MARK3: variants seen among roughly 807,000 people sequenced by gnomAD.
MARK3 encodes the protein MAP/microtubule affinity-regulating kinase 3.
MARK3 carries 46 observed loss-of-function variants against 90.1 expected under a neutral mutation model. The observed-to-expected ratio is 0.51, with a 90% CI of 0.40 to 0.65. The LOEUF (loss-of-function observed/expected upper bound fraction) is 0.65, where lower values mean the gene tolerates loss of function less well. MARK3 is among the 30% of genes least tolerant of loss of function. MARK3 has a pLI of 0.00. For missense variants in MARK3, 818 were observed against 947.2 expected (o/e 0.86, Z 1.79); for synonymous variants, 321 against 332.6 (o/e 0.97, Z 0.38).
chr14:103,468,272 C>T (rs2093553481), intron 12 of MARK3, 86 bp downstream of exon 12: 2 of 989,110 alleles, frequency 2.0e-6, no homozygotes, highest in Non-Finnish European at 1.4e-6. Context: ...TGCTCAGAGC[C>T]TGGCTTGATG....
chr14:103,455,673 A>T (rs2093261464), intron 5 of MARK3, among the ~76,000 whole-genome samples: 1 of 150,404 alleles, frequency 6.6e-6, no homozygotes, highest in South Asian at 2.1e-4. Context: ...GGTTGCAGTG[A>T]GCCAAGATCG....
chr14:103,490,801 G>A, intron 14 of MARK3: 1 of 292,712 alleles, frequency 3.4e-6, no homozygotes, highest in Non-Finnish European at 5.4e-6. Flanking sequence ...AGTTGCTCCA[G>A]AATCTCCAAA....
chr14:103,394,867 C>T (rs1446274469), intron 1 of MARK3, among the ~76,000 whole-genome samples: 1 of 152,178 alleles, frequency 6.6e-6, no homozygotes, highest in African/African-American at 2.4e-5. Flanking sequence ...ACTGCAACCT[C>T]TGCCTCCTGG....
At chr14:103,388,316 A>G (rs1231161451) in intron 1 of MARK3, among the ~76,000 whole-genome samples, 2 of 152,230 alleles carry the variant, frequency 1.3e-5, no homozygotes, top group Middle Eastern at 3.2e-3. Flanking sequence ...ATGCCCTGTT[A>G]CATTTTTAAC....
intron 2 of MARK3, among the ~76,000 whole-genome samples, chr14:103,413,965 G>T (rs938841028): frequency 6.6e-6 from 1 of 152,114 alleles, no homozygotes; most frequent in Non-Finnish European, 1.5e-5. Flanking sequence ...AAGGACATTT[G>T]AATAGTTTCC....
intron 2 of MARK3, among the ~76,000 whole-genome samples, chr14:103,427,077 G>A (rs1191278798): frequency 6.6e-6 from 1 of 150,542 alleles, no homozygotes; most frequent in African/African-American, 2.4e-5. Context: ...TTTTTTCTTG[G>A]TTTGGAGGAG....
intron 2 of MARK3, 37 bp from the exon 3 acceptor site, chr14:103,428,350 A>G: frequency 8.6e-7 from 1 of 1,165,782 alleles, no homozygotes; most frequent in Non-Finnish European, 1.2e-6. Context: ...TAATTACTAA[A>G]TTCTTAAAAT....
Position 103,503,201 on chromosome 14 carries a change from A to G in MARK3, c.2236A>G (p.Lys746Glu), listed in dbSNP as rs983388891. ...CATAGCCTTCAAAAATATTGCTTCC[A>G]AAATTGCCAATGAGCTAAAGCTGTA... ...TSIAFKNIAS[K>E]IANELKL Residue 746 changes from lysine (K) to glutamate (E), a missense_variant, in exon 18 of 18, where the codon AAA becomes GAA. By Grantham distance (56) the Lys-to-Glu change is moderately conservative. Around this residue, in one of 3 missense-constraint regions of MARK3, gnomAD observed 560 missense variants for 613.5 expected, o/e 0.91. Transcript: ENST00000429436. 4 of 1,611,084 alleles carry G rather than the reference A, an allele frequency of 2.5e-6. No individual in the cohort carries two copies. In the African/African-American group the frequency reaches 4.0e-5, roughly 16 times the overall value.
intron 2 of MARK3, among the ~76,000 whole-genome samples, chr14:103,410,219 G>A (rs1010014373): frequency 2.6e-5 from 4 of 152,132 alleles, no homozygotes; most frequent in Admixed American, 6.5e-5. Context: ...CAAGATCCAG[G>A]GGCTGCATCT....
At chr14:103,476,630 T>A (rs2093719520) in intron 13 of MARK3, among the ~76,000 whole-genome samples, 1 of 152,170 alleles carries the variant, frequency 6.6e-6, no homozygotes, top group Non-Finnish European at 1.5e-5. Context: ...ATCTTAAGAT[T>A]ATTCTGTAAG....
intron 17 of MARK3, among the ~76,000 whole-genome samples, chr14:103,502,344 C>T (rs1335222417): frequency 2.6e-5 from 4 of 152,214 alleles, no homozygotes; most frequent in African/African-American, 9.6e-5. Context: ...GGAGGAAAAA[C>T]AATGAGGTGG....
At chr14:103,406,240 T>A in intron 2 of MARK3, among the ~76,000 whole-genome samples, 1 of 151,150 alleles carries the variant, frequency 6.6e-6, no homozygotes. Flanking sequence ...GTGTCGGGGG[T>A]TGGGACGGAG....
At chr14:103,434,716 T>G (rs1430238315) in intron 3 of MARK3, among the ~76,000 whole-genome samples, 1 of 152,216 alleles carries the variant, frequency 6.6e-6, no homozygotes, top group East Asian at 1.9e-4. Context: ...CATTCTTCAT[T>G]GGCAAGTTGT....
intron 17 of MARK3, among the ~76,000 whole-genome samples, chr14:103,501,963 G>A (rs2075691823): frequency 6.6e-6 from 1 of 152,206 alleles, no homozygotes; most frequent in African/African-American, 2.4e-5. Flanking sequence ...CCATAGGATG[G>A]AGTGTACTTA....
At position 103,405,251 on chromosome 14, in the gene MARK3, T is replaced by C. The variant is rs1290691742; in HGVS notation, c.227T>C (p.Ile76Thr). The C allele has an allele frequency of 6.4e-7, 1 of 1,551,456 alleles. No homozygotes were observed. Among genetic ancestry groups the C allele is most frequent in the East Asian group, 2.3e-5 (1 of 42,776 alleles). The change falls in exon 2 of 18, where the codon ATC (isoleucine) becomes ACC (threonine). Residue 76 changes from isoleucine to threonine, a missense_variant. Around this residue, in one of 3 missense-constraint regions of MARK3, gnomAD observed 157 missense variants for 158.7 expected, o/e 0.99. Transcript: ENST00000429436. ...GCAAAAGTAAAATTGGCAAGACATA[T>C]CCTTACAGGCAGAGAGGTAAATACC... ...NFAKVKLARH[I>T]LTGREVAIKI...
intron 1 of MARK3, among the ~76,000 whole-genome samples, chr14:103,398,985 A>G (rs893533198): frequency 2.0e-5 from 3 of 152,190 alleles, no homozygotes; most frequent in African/African-American, 7.2e-5. Flanking sequence ...GATTTGAAAC[A>G]TAGTGTAAAG....
At chr14:103,391,659 G>A (rs1005283599) in intron 1 of MARK3, among the ~76,000 whole-genome samples, 1 of 148,612 alleles carries the variant, frequency 6.7e-6, no homozygotes, top group African/African-American at 2.5e-5. Flanking sequence ...ATTGTCGTGC[G>A]CAGCCTCCCG....
At chr14:103,501,211 C>T (rs1208958659) in intron 17 of MARK3, among the ~76,000 whole-genome samples, 3 of 152,242 alleles carry the variant, frequency 2.0e-5, no homozygotes, top group African/African-American at 7.2e-5. Context: ...CAGGCTGCCC[C>T]AGCAGCCCCA....
intron 3 of MARK3, among the ~76,000 whole-genome samples, chr14:103,436,667 C>T (rs2141146614): frequency 6.6e-6 from 1 of 152,250 alleles, no homozygotes; most frequent in Non-Finnish European, 1.5e-5. Flanking sequence ...AGCTGAAGTG[C>T]AGTGTCATGA....
Sources: gnomAD v4.1 joint callset for allele counts (sites outside exome capture counted in the v4.1 genomes callset) on GRCh38, gnomAD v4.1.1 for gene constraint, gnomAD v4.1.1 regional missense constraint, MANE v1.5 for transcripts, NCBI Gene and HGNC (gene_info 2026-07-23, HGNC 2026-07-21) for gene names.